Variants in ALOX5 observed in about 807,000 individuals in gnomAD.
ALOX5 encodes polyunsaturated fatty acid 5-lipoxygenase.
ALOX5 carries 64 observed loss-of-function variants against 87.9 expected under a neutral mutation model. The observed-to-expected ratio is 0.73, with a 90% CI of 0.60 to 0.90. The LOEUF is 0.90. Among genes scored for constraint, ALOX5 ranks in the 40% least tolerant of loss-of-function variants. The pLI is 0.00. For synonymous variants in ALOX5, 388 were observed against 355.1 expected, an observed-to-expected ratio of 1.09 and a Z score of -1.04; for missense variants, 822 against 907.5, an observed-to-expected ratio of 0.91 and a Z score of 1.21.
chr10:45,386,582 GA>G (rs139283260), intron 2 of ALOX5, among the ~76,000 whole-genome samples: 9 of 149,896 alleles, frequency 6.0e-5, no homozygotes, highest in South Asian at 2.1e-4. Context: ...CACCTAATAA[GA>G]AAAAAAAAGA....
At chr10:45,394,900 A>G (rs1376415843) in intron 2 of ALOX5, among the ~76,000 whole-genome samples, 2 of 152,246 alleles carry the variant, frequency 1.3e-5, no homozygotes, top group South Asian at 2.1e-4. Context: ...TCAAAACCAT[A>G]ATGATATACC....
chr10:45,397,246 G>A (rs1255454362), intron 3 of ALOX5, among the ~76,000 whole-genome samples: 1 of 152,188 alleles, frequency 6.6e-6, no homozygotes, highest in Non-Finnish European at 1.5e-5. Flanking sequence ...TGTGTGTGGT[G>A]GCATGCGCCT....
intron 4 of ALOX5, among the ~76,000 whole-genome samples, chr10:45,413,782 A>T (rs1455709073): frequency 6.6e-6 from 1 of 152,066 alleles, no homozygotes; most frequent in Non-Finnish European, 1.5e-5. Context: ...AATCACAAGC[A>T]TTCTTATATA....
intron 1 of ALOX5, among the ~76,000 whole-genome samples, chr10:45,376,666 T>G (rs1002185943): frequency 6.6e-6 from 1 of 152,184 alleles, no homozygotes; most frequent in African/African-American, 2.4e-5. Flanking sequence ...CACAATTTAA[T>G]CATTTCCAAG....
At chr10:45,444,765 A>AGAC (rs1842382191) in intron 13 of ALOX5, 2 of 160,854 alleles carry the variant, frequency 1.2e-5, no homozygotes, top group African/African-American at 4.8e-5. Flanking sequence ...TGGGTGTCTG[A>AGAC]GTTGTTCCCG....
chr10:45,432,158 G>A (rs1036476635), intron 7 of ALOX5, among the ~76,000 whole-genome samples: 4 of 150,134 alleles, frequency 2.7e-5, no homozygotes, highest in Non-Finnish European at 5.9e-5. Flanking sequence ...ACATAGAGAG[G>A]CAGGGCAACC....
rs552148167 is a variant in ALOX5 at position 45,444,542 on chromosome 10, C to T, written c.1845+256C>T. 5.1e-5 allele frequency: 23 copies of T among 452,886 alleles called. No individual in the cohort carries two copies. The South Asian group carries it at 1.2e-3, about 24-fold the overall frequency. The allele number at this position is 452,886 out of a possible 1,614,324, so 28.1% of individuals were successfully genotyped here. ...TGTCACCAGAGGGTCGTGTGTGACGCCCCCTCCCCCCAGCTATTGACAAAG... is the reference window on the plus strand; with the variant it reads ...TGTCACCAGAGGGTCGTGTGTGACGTCCCCTCCCCCCAGCTATTGACAAAG... On this transcript the variant is annotated intron_variant, in intron 13 of 13. Coordinates refer to ENST00000374391, the MANE Select transcript of ALOX5 (RefSeq NM_000698.5).
At chr10:45,426,468 T>C (rs1426176196) in intron 6 of ALOX5, among the ~76,000 whole-genome samples, 2 of 152,230 alleles carry the variant, frequency 1.3e-5, no homozygotes, top group African/African-American at 4.8e-5. Flanking sequence ...GCTGCCCATC[T>C]GGCAGCACCT....
chr10:45,417,613 A>C lies in ALOX5; in HGVS notation c.554+5300A>C, dbSNP rs11239525. 1.8e-4 allele frequency among the ~76,000 whole-genome samples: 27 copies of C among 152,222 alleles called. No individual in the cohort carries two copies. In the East Asian group the frequency reaches 5.2e-3, roughly 29 times the overall value. On this transcript the variant is annotated intron_variant, in intron 4 of 13. Coordinates refer to ENST00000374391, the MANE Select transcript of ALOX5 (RefSeq NM_000698.5). ...AGGGCTTATTCTCAAGTGCTTGTAT[A>C]ATTTGTTGGAGGCTCGCTCTAAAAA...
At chr10:45,393,786 T>C (rs1397691086) in intron 2 of ALOX5, among the ~76,000 whole-genome samples, 2 of 152,154 alleles carry the variant, frequency 1.3e-5, no homozygotes, top group Non-Finnish European at 2.9e-5. Context: ...TGTGCAAGAA[T>C]CACAAGCATT....
At chr10:45,413,186 A>G (rs1841137647) in intron 4 of ALOX5, among the ~76,000 whole-genome samples, 1 of 152,208 alleles carries the variant, frequency 6.6e-6, no homozygotes, top group Non-Finnish European at 1.5e-5. Flanking sequence ...CAATGCGAAA[A>G]TCCTCAATAA....
intron 2 of ALOX5, among the ~76,000 whole-genome samples, chr10:45,391,077 G>GTCTCCC (rs1203048874): frequency 0.04 from 2,195 of 55,494 alleles, 90 homozygotes; most frequent in Middle Eastern, 0.052. Context: ...TCTCCCCACG[G>GTCTCCC]TCTCCCTCTC....
chr10:45,441,598 C>G, intron 9 of ALOX5, 168 bp downstream of exon 9: 1 of 610,756 alleles, frequency 1.6e-6, no homozygotes, highest in South Asian at 2.4e-5. Flanking sequence ...CCGTGCCATT[C>G]AGCCAGGAGC....
intron 1 of ALOX5, among the ~76,000 whole-genome samples, chr10:45,374,770 TC>T: frequency 6.6e-6 from 1 of 152,160 alleles, no homozygotes; most frequent in African/African-American, 2.4e-5. Flanking sequence ...GCTCCGAGGC[TC>T]CGGAGCCCCC....
intron 7 of ALOX5, among the ~76,000 whole-genome samples, chr10:45,429,442 A>G (rs559728117): frequency 6.6e-6 from 1 of 152,216 alleles, no homozygotes; most frequent in Non-Finnish European, 1.5e-5. Context: ...GGAGCTGTGG[A>G]CACAATAGCA....
At position 45,443,765 on chromosome 10, in the gene ALOX5, G is replaced by A. The variant is rs766134725; in HGVS notation, c.1611G>A (p.Ser537=). Residue 537 remains serine (S), a synonymous_variant, in exon 12 of 14, where the codon TCG becomes TCA. Transcript: ENST00000374391. ...PKSVKSREQL[S]EYLTVVIFTA... ...CGGTCAAGAGCCGGGAGCAGCTGTCGGAGTACCTGACCGTGGTGATCTTCA... is the reference window on the plus strand; with the variant it reads ...CGGTCAAGAGCCGGGAGCAGCTGTCAGAGTACCTGACCGTGGTGATCTTCA... The A allele has an allele frequency of 6.2e-7, 1 of 1,612,416 alleles. No homozygotes were observed. Among genetic ancestry groups the A allele is most frequent in the Admixed American group, 1.7e-5 (1 of 59,960 alleles).
chr10:45,384,227 C>T (rs1234401760), intron 2 of ALOX5, among the ~76,000 whole-genome samples: 1 of 152,144 alleles, frequency 6.6e-6, no homozygotes, highest in Admixed American at 6.5e-5. Flanking sequence ...TTGGCCTCTC[C>T]TTCCTCTACA....
chr10:45,421,778 A>G (rs1263029734), intron 4 of ALOX5, among the ~76,000 whole-genome samples: 7 of 152,236 alleles, frequency 4.6e-5, no homozygotes, highest in Admixed American at 3.9e-4. Flanking sequence ...CTGGAAGATG[A>G]TGCTGGTATT....
intron 8 of ALOX5, among the ~76,000 whole-genome samples, chr10:45,440,883 A>G (rs1199068105): frequency 6.6e-6 from 1 of 152,218 alleles, no homozygotes; most frequent in Non-Finnish European, 1.5e-5. Flanking sequence ...TAGAGTTGGA[A>G]AAGGCAAATG....
Sources: allele counts gnomAD v4.1 joint callset (sites outside exome capture counted in the v4.1 genomes callset), GRCh38; gene constraint gnomAD v4.1.1; transcripts MANE v1.5; gene names NCBI Gene and HGNC (gene_info 2026-07-23, HGNC 2026-07-21).